The following HHIP variants were observed in gnomAD, a reference collection of about 807,000 sequenced individuals.
The protein encoded by HHIP is hedgehog-interacting protein.
HHIP carries 12 observed loss-of-function variants against 74.0 expected under a neutral mutation model. The ratio of observed to expected loss-of-function variants is 0.16; its 90% CI spans 0.10 to 0.26. HHIP has a LOEUF of 0.26. Among genes scored for constraint, HHIP ranks in the 10% least tolerant of loss-of-function variants. HHIP has a pLI of 1.00. For synonymous variants in HHIP, 309 were observed against 311.6 expected (o/e 0.99, Z 0.09); for missense variants, 788 against 845.0 (o/e 0.93, Z 0.84).
rs942279175 is a variant in HHIP at position 144,738,554 on chromosome 4, A to G, written c.*597A>G. ...ATTGGCTGAGAAATCTGGTTATTTC[A>G]TCTTAATCTCAAGATTGTTTTCAAG... On this transcript the variant is annotated 3_prime_UTR_variant, in exon 13 of 13. Coordinates refer to ENST00000296575, the MANE Select transcript of HHIP (RefSeq NM_022475.3). The G allele has an allele frequency of 1.2e-6, 1 of 860,418 alleles. No homozygotes were observed. Among genetic ancestry groups the G allele is most frequent in the Admixed American group, 6.2e-5 (1 of 16,094 alleles). 53.3% of individuals were successfully genotyped at this position (860,418 alleles called of 1,614,324 possible). A position where few individuals can be genotyped will look rare whatever the true frequency, so the allele number is the denominator to read the frequency against.
intron 2 of HHIP, among the ~76,000 whole-genome samples, chr4:144,657,127 A>T (rs946219172): frequency 3.9e-5 from 6 of 152,160 alleles, no homozygotes; most frequent in African/African-American, 1.2e-4. Flanking sequence ...TCTCTCAGAA[A>T]GTTCAGGGTG....
rs1728261968 is a variant in HHIP at position 144,646,494 on chromosome 4, C to T, written c.-182C>T. On this transcript the variant is annotated 5_prime_UTR_variant, in exon 1 of 13. Coordinates refer to ENST00000296575, the MANE Select transcript of HHIP (RefSeq NM_022475.3). ...CCCTAAGGCATTGGACCCATCGCCG[C>T]GTCTTTTATTTTTTGCAAAGTTGCA... The T allele has an allele frequency of 3.3e-6, 2 of 597,466 alleles. No homozygotes were observed. The highest frequency in any genetic ancestry group is 4.4e-5 in the South Asian group (2 of 45,054). 37.0% of individuals were successfully genotyped at this position (597,466 alleles called of 1,614,324 possible). A position where few individuals can be genotyped will look rare whatever the true frequency, so the allele number is the denominator to read the frequency against.
chr4:144,694,330 T>C (rs1332533396), intron 4 of HHIP, among the ~76,000 whole-genome samples: 1 of 151,202 alleles, frequency 6.6e-6, no homozygotes, highest in Non-Finnish European at 1.5e-5. Context: ...TCTAAACTAT[T>C]GGGGTTTTTT....
intron 4 of HHIP, among the ~76,000 whole-genome samples, chr4:144,689,334 G>A (rs969362542): frequency 2.0e-5 from 3 of 152,154 alleles, no homozygotes; most frequent in Admixed American, 6.6e-5. Context: ...ACATCATAAT[G>A]ATGACTGACT....
rs550190769 is a variant in HHIP at position 144,743,953 on chromosome 4, A to T, written c.*5996A>T. The T allele has an allele frequency of 3.9e-5, 6 of 152,184 alleles. No individual in the cohort carries two copies. Among genetic ancestry groups the T allele is most frequent in the African/African-American group, 1.4e-4 (6 of 41,554 alleles). The allele number at this position is 152,184 out of a possible 1,614,324, so 9.4% of individuals were successfully genotyped here. On this transcript the variant is annotated 3_prime_UTR_variant, in exon 13 of 13. Coordinates refer to ENST00000296575, the MANE Select transcript of HHIP (RefSeq NM_022475.3). ...TTATATTCTTAAAATCTGAGACATG[A>T]TTTTTCTGGAACAAATTAAGATTTC...
intron 11 of HHIP, among the ~76,000 whole-genome samples, 179 bp from the exon 12 acceptor site, chr4:144,734,562 C>T (rs555266564): frequency 1.2e-4 from 18 of 151,550 alleles, no homozygotes; most frequent in Admixed American, 2.6e-4. Flanking sequence ...TAGTTTGTTT[C>T]CTCACTGGTA....
At chr4:144,734,973 C>T in intron 12 of HHIP, 84 bp downstream of exon 12, 1 of 1,321,316 alleles carries the variant, frequency 7.6e-7, no homozygotes, top group Non-Finnish European at 1.1e-6. Context: ...ATTGTTTCTT[C>T]TACAATAATA....
chr4:144,708,051 A>G, intron 6 of HHIP, 117 bp from the exon 7 acceptor site: 1 of 1,103,808 alleles, frequency 9.1e-7, no homozygotes. Flanking sequence ...CCACTTTAAT[A>G]TTTTATTTCA....
At chr4:144,654,080 T>C (rs1429300353) in intron 2 of HHIP, among the ~76,000 whole-genome samples, 3 of 152,188 alleles carry the variant, frequency 2.0e-5, no homozygotes, top group African/African-American at 7.2e-5. Flanking sequence ...TTGAAAGTGA[T>C]ATCAACACTT....
At chr4:144,680,640 T>C (rs1040701983) in intron 4 of HHIP, among the ~76,000 whole-genome samples, 16 of 152,220 alleles carry the variant, frequency 1.1e-4, no homozygotes, top group African/African-American at 3.6e-4. Context: ...TGACTATATG[T>C]TTGCCATTCA....
chr4:144,737,834 A>G lies in HHIP; in HGVS notation c.1980A>G (p.Gly660=). The G allele has an allele frequency of 6.2e-7, 1 of 1,613,940 alleles. No individual in the cohort carries two copies. The highest frequency in any genetic ancestry group is 8.5e-7 in the Non-Finnish European group (1 of 1,179,858). Residue 660 remains glycine (G), a synonymous_variant, in exon 13 of 13, where the codon GGA becomes GGG. Coordinates refer to ENST00000296575, the MANE Select transcript of HHIP (RefSeq NM_022475.3). ...CGAACAAGTGCCTCTGTAAAAAAGG[A>G]TATCTTGGTCCTCAATGTGAACAAG... is the stretch of plus-strand genomic sequence containing the variant. ...VRPNKCLCKK[G]YLGPQCEQVD... is the part of the protein sequence containing the mutation.
intron 10 of HHIP, 134 bp from the exon 11 acceptor site, chr4:144,718,741 T>A: frequency 1.5e-6 from 1 of 679,274 alleles, no homozygotes; most frequent in Non-Finnish European, 2.7e-6. Flanking sequence ...GTGAGACTCT[T>A]GCATAATCTT....
chr4:144,735,017 T>G (rs1205822435), intron 12 of HHIP, 128 bp downstream of exon 12: 1 of 767,538 alleles, frequency 1.3e-6, no homozygotes, highest in Admixed American at 3.2e-5. Context: ...TTTACAATAC[T>G]ATTAATGCTC....
intron 11 of HHIP, among the ~76,000 whole-genome samples, chr4:144,734,238 A>T (rs1018561908): frequency 2.8e-4 from 42 of 150,820 alleles, no homozygotes; most frequent in African/African-American, 2.9e-4. Context: ...AATAAAATTA[A>T]AAAAAAAAAC....
chr4:144,691,586 A>G (rs1450013275), intron 4 of HHIP, among the ~76,000 whole-genome samples: 1 of 152,178 alleles, frequency 6.6e-6, no homozygotes, highest in African/African-American at 2.4e-5. Context: ...TTTAATAATC[A>G]CATATAGTAC....
intron 4 of HHIP, among the ~76,000 whole-genome samples, chr4:144,702,025 T>C (rs917677391): frequency 1.3e-5 from 2 of 152,266 alleles, no homozygotes; most frequent in East Asian, 1.9e-4. Context: ...TGGTGGCTCA[T>C]GCCTGTAATA....
chr4:144,647,042 G>T, intron 1 of HHIP, 88 bp downstream of exon 1: 1 of 1,257,370 alleles, frequency 8.0e-7, no homozygotes. Context: ...GTGGTTGTAA[G>T]AAGGTCAAAA....
At chr4:144,720,882 T>G (rs1730612242) in intron 11 of HHIP, among the ~76,000 whole-genome samples, 1 of 152,180 alleles carries the variant, frequency 6.6e-6, no homozygotes, top group Non-Finnish European at 1.5e-5. Context: ...TCTTCCTAGA[T>G]GAGTTGACAC....
chr4:144,681,754 C>A (rs1214066828), intron 4 of HHIP, among the ~76,000 whole-genome samples: 1 of 152,184 alleles, frequency 6.6e-6, no homozygotes, highest in Non-Finnish European at 1.5e-5. Flanking sequence ...CTCACAGCAG[C>A]ATGCTTTAGC....
Sources: allele counts gnomAD v4.1 joint callset (sites outside exome capture counted in the v4.1 genomes callset), GRCh38; gene constraint gnomAD v4.1.1; transcripts MANE v1.5; gene names NCBI Gene and HGNC (gene_info 2026-07-23, HGNC 2026-07-21).